Variants in DLG2 observed in about 807,000 individuals in gnomAD.
The protein encoded by DLG2 is disks large homolog 2.
In DLG2, 45 loss-of-function variants were observed where a neutral mutation model predicts 132.5. The observed-to-expected ratio is 0.34, with a 90% CI of 0.27 to 0.44. The LOEUF is 0.44. Ranked by LOEUF, DLG2 falls within the 20% of genes least tolerant of loss-of-function variation. The pLI is 1.00. For synonymous variants in DLG2, 424 were observed against 419.6 expected, an observed-to-expected ratio of 1.01 and a Z score of -0.13; for missense variants, 1,045 against 1,196.9, an observed-to-expected ratio of 0.87 and a Z score of 1.87.
At chr11:85,036,610 T>TA (rs2061456752) in intron 6 of DLG2, among the ~76,000 whole-genome samples, 1 of 152,222 alleles carries the variant, frequency 6.6e-6, no homozygotes, top group African/African-American at 2.4e-5. Flanking sequence ...TAATAACCAG[T>TA]AACAACTTTA....
At chr11:85,109,913 A>G (rs936563818) in intron 6 of DLG2, among the ~76,000 whole-genome samples, 1 of 152,134 alleles carries the variant, frequency 6.6e-6, no homozygotes, top group African/African-American at 2.4e-5. Context: ...TACCATTATT[A>G]ATCCTCTTTA....
intron 15 of DLG2, 32 bp downstream of exon 15, chr11:83,930,296 G>GAGAA: frequency 6.2e-7 from 1 of 1,609,868 alleles, no homozygotes; most frequent in Non-Finnish European, 8.5e-7. Flanking sequence ...CATGCAGTTC[G>GAGAA]AGAAGATGAA....
chr11:85,454,726 T>A (rs777335516), intron 3 of DLG2, among the ~76,000 whole-genome samples: 3 of 152,090 alleles, frequency 2.0e-5, no homozygotes, highest in Non-Finnish European at 4.4e-5. Context: ...AAGAAAGGGG[T>A]CCAGTTTCAA....
intron 8 of DLG2, among the ~76,000 whole-genome samples, chr11:84,250,261 T>C (rs2097354475): frequency 6.6e-6 from 1 of 152,196 alleles, no homozygotes; most frequent in African/African-American, 2.4e-5. Context: ...GTGCTTTCTA[T>C]TCCCCACAGG....
chr11:83,696,396 T>C (rs111564829), intron 18 of DLG2, among the ~76,000 whole-genome samples: 7 of 152,306 alleles, frequency 4.6e-5, no homozygotes, highest in African/African-American at 1.7e-4. Context: ...TTTGTGGCTA[T>C]ATGAGAATGC....
chr11:85,268,180 T>C (rs1257021558), intron 4 of DLG2, among the ~76,000 whole-genome samples: 2 of 152,162 alleles, frequency 1.3e-5, no homozygotes. Flanking sequence ...GAAAATATCT[T>C]GGGCCCCTTC....
At chr11:84,333,370 C>T (rs1032620309) in intron 7 of DLG2, among the ~76,000 whole-genome samples, 1 of 152,186 alleles carries the variant, frequency 6.6e-6, no homozygotes, top group African/African-American at 2.4e-5. Flanking sequence ...CGATCTAGGA[C>T]CACGTCAACC....
intron 18 of DLG2, among the ~76,000 whole-genome samples, chr11:83,700,767 T>C (rs1436296162): frequency 6.6e-6 from 1 of 152,176 alleles, no homozygotes; most frequent in African/African-American, 2.4e-5. Flanking sequence ...AAATCCTTTA[T>C]ATAGTCACAA....
chr11:83,613,906 T>A (rs1166652700), intron 19 of DLG2, among the ~76,000 whole-genome samples: 1 of 152,180 alleles, frequency 6.6e-6, no homozygotes, highest in Non-Finnish European at 1.5e-5. Context: ...AGAGTAGGTC[T>A]GGGCTGGGGT....
At chr11:84,101,209 A>G (rs958855254) in intron 9 of DLG2, among the ~76,000 whole-genome samples, 12 of 152,144 alleles carry the variant, frequency 7.9e-5, no homozygotes, top group African/African-American at 2.9e-4. Flanking sequence ...AAACACAGTG[A>G]CCTGGTGACA....
intron 6 of DLG2, among the ~76,000 whole-genome samples, chr11:84,538,790 C>G (rs1047896471): frequency 6.6e-6 from 1 of 152,052 alleles, no homozygotes; most frequent in Non-Finnish European, 1.5e-5. Flanking sequence ...GACCGTGGAC[C>G]TAAATAATAC....
chr11:84,762,529 T>C (rs2067777665), intron 6 of DLG2, among the ~76,000 whole-genome samples: 2 of 152,182 alleles, frequency 1.3e-5, no homozygotes, highest in Admixed American at 6.5e-5. Flanking sequence ...AAACTATTCA[T>C]ATCAGTTAAT....
chr11:84,696,087 G>A lies in DLG2; in HGVS notation c.358-161356C>T, dbSNP rs2058584669. Reference sequence around the variant, plus strand: ...ATGGAGAGAAAACAAAATTGAATGAGTAGAACAAAATAAAATTGAATAAGT... The same window carrying A: ...ATGGAGAGAAAACAAAATTGAATGAATAGAACAAAATAAAATTGAATAAGT... On this transcript the variant is annotated intron_variant, in intron 6 of 27. Transcript: ENST00000376104. 1.3e-5 allele frequency among the ~76,000 whole-genome samples: 2 copies of A among 151,498 alleles called. 1 individual carries two copies. Among genetic ancestry groups the A allele is most frequent in the South Asian group, 4.1e-4 (2 of 4,824 alleles).
chr11:84,138,706 C>T (rs747985056), intron 9 of DLG2, among the ~76,000 whole-genome samples: 2 of 152,106 alleles, frequency 1.3e-5, no homozygotes, highest in South Asian at 2.1e-4. Flanking sequence ...CCCAGAACTT[C>T]GGGAGTCTGG....
intron 6 of DLG2, among the ~76,000 whole-genome samples, chr11:84,938,757 G>A (rs1409496870): frequency 1.3e-5 from 2 of 152,006 alleles, no homozygotes; most frequent in South Asian, 2.1e-4. Flanking sequence ...TTTCGCCAGG[G>A]GTGTCTAACT....
At chr11:83,520,635 G>GATAGATAGATAGA in intron 21 of DLG2, among the ~76,000 whole-genome samples, 2 of 74,440 alleles carry the variant, frequency 2.7e-5, no homozygotes, top group South Asian at 4.2e-4. Context: ...AGATAGGTAG[G>GATAGATAGATAGA]TAGGTAGATA....
chr11:83,658,936 A>G (rs1037057901), intron 18 of DLG2, among the ~76,000 whole-genome samples: 2 of 152,212 alleles, frequency 1.3e-5, no homozygotes, highest in Non-Finnish European at 2.9e-5. Flanking sequence ...AGAAGTAGAC[A>G]CTTGCTCCAG....
intron 6 of DLG2, among the ~76,000 whole-genome samples, chr11:84,844,050 C>CAT (rs200537805): frequency 1.5e-3 from 164 of 111,826 alleles, no homozygotes; most frequent in Non-Finnish European, 2.1e-3. Flanking sequence ...TCTGTGTGTA[C>CAT]ATATATATAT....
At chr11:84,277,299 T>C (rs2097791803) in intron 7 of DLG2, among the ~76,000 whole-genome samples, 1 of 152,174 alleles carries the variant, frequency 6.6e-6, no homozygotes. Flanking sequence ...TCAAATAGTA[T>C]TTACCAAGAT....
Sources: allele counts gnomAD v4.1 joint callset (sites outside exome capture counted in the v4.1 genomes callset), GRCh38; gene constraint gnomAD v4.1.1; transcripts MANE v1.5; gene names NCBI Gene and HGNC (gene_info 2026-07-23, HGNC 2026-07-21).